Variants in ESYT3 observed in about 807,000 individuals in gnomAD.
ESYT3 encodes extended synaptotagmin 3.
Under a neutral mutation model 111.5 loss-of-function variants are expected in ESYT3, and 101 were observed. That is an observed-to-expected ratio of 0.91 (90% CI 0.77 to 1.07). ESYT3 has a LOEUF of 1.07. Among genes scored for constraint, ESYT3 ranks in the 50% least tolerant of loss-of-function variants. The pLI is 0.00. For synonymous variants in ESYT3, 416 were observed against 446.8 expected, an observed-to-expected ratio of 0.93 and a Z score of 0.87; for missense variants, 1,097 against 1,109.4, an observed-to-expected ratio of 0.99 and a Z score of 0.16.
chr3:138,464,438 G>A lies in ESYT3; in HGVS notation c.1009G>A (p.Val337Met), dbSNP rs920303920. 4.3e-6 allele frequency: 7 copies of A among 1,614,040 alleles called. No individual in the cohort carries two copies. The African/African-American group carries it at 9.3e-5, about 22-fold the overall frequency. Residue 337 changes from valine (V) to methionine (M), a missense_variant, in exon 9 of 23, where the codon GTG (valine) becomes ATG (methionine). Physicochemically the swap from Val to Met is conservative, Grantham distance 21 (BLOSUM62 1). Coordinates refer to ENST00000389567, the MANE Select transcript of ESYT3 (RefSeq NM_031913.5). ...AGGCAAGTCAGATCCCTACGCCAAG[G>A]TGAGCATCGGCCTACAGCATTTCCG... ...LRGKSDPYAKVSIGLQHFRSR... is the reference protein window; with the variant it reads ...LRGKSDPYAKMSIGLQHFRSR...
intron 1 of ESYT3, among the ~76,000 whole-genome samples, chr3:138,439,691 A>T (rs190512932): frequency 6.6e-6 from 1 of 152,310 alleles, no homozygotes; most frequent in East Asian, 1.9e-4. Context: ...TGCCCCTGCC[A>T]TGACTGGGCC....
At chr3:138,468,533 C>T (rs941361933) in intron 12 of ESYT3, 122 bp from the exon 13 acceptor site, 19 of 952,702 alleles carry the variant, frequency 2.0e-5, no homozygotes, top group East Asian at 1.9e-4. Context: ...AGAGGTCCTC[C>T]GGCAGCTAGT....
intron 1 of ESYT3, among the ~76,000 whole-genome samples, chr3:138,449,984 G>A (rs193201779): frequency 6.6e-6 from 1 of 152,364 alleles, no homozygotes; most frequent in East Asian, 1.9e-4. Context: ...CTAGTAAAGT[G>A]TATCAAATGC....
chr3:138,455,096 G>A, intron 2 of ESYT3, 98 bp from the exon 3 acceptor site: 1 of 1,453,732 alleles, frequency 6.9e-7, no homozygotes, highest in Non-Finnish European at 9.5e-7. Context: ...CCCACCCCAA[G>A]ACCAGGCTGC....
chr3:138,462,276 T>C (rs2032690477), intron 8 of ESYT3, 70 bp downstream of exon 8: 2 of 1,601,528 alleles, frequency 1.2e-6, no homozygotes, highest in African/African-American at 1.3e-5. Flanking sequence ...AGCCTTCACA[T>C]GTGGTGCATT....
At chr3:138,474,157 A>G in intron 19 of ESYT3, 64 bp from the exon 20 acceptor site, 1 of 1,573,546 alleles carries the variant, frequency 6.4e-7, no homozygotes, top group South Asian at 1.2e-5. Flanking sequence ...AAACTCTCAA[A>G]TGTTCAGTGT....
Position 138,477,696 on chromosome 3 carries a change from G to A in ESYT3, c.*842G>A, listed in dbSNP as rs1048226393. 1 of 152,108 alleles carries A rather than the reference G, an allele frequency of 6.6e-6. No homozygotes were observed. Among genetic ancestry groups the A allele is most frequent in the Non-Finnish European group, 1.5e-5 (1 of 68,028 alleles). The allele number at this position is 152,108 out of a possible 1,614,324, so 9.4% of individuals were successfully genotyped here. On this transcript the variant is annotated 3_prime_UTR_variant, in exon 23 of 23. Coordinates refer to ENST00000389567, the MANE Select transcript of ESYT3 (RefSeq NM_031913.5). ...GGCTATTCAACTTTTCTAAAGAGAT[G>A]GTTGGTTCACCTAAATAACATGTTA...
At chr3:138,452,175 G>A in intron 2 of ESYT3, 86 bp downstream of exon 2, 1 of 1,358,684 alleles carries the variant, frequency 7.4e-7, no homozygotes, top group Non-Finnish European at 1.0e-6. Context: ...CCTGATGGGG[G>A]CCTCGCGGCA....
chr3:138,472,410 T>C lies in ESYT3; in HGVS notation c.1788T>C (p.Pro596=), dbSNP rs556286994. Residue 596 remains proline (P), a synonymous_variant, in exon 18 of 23, where the codon CCT becomes CCC. Coordinates refer to ENST00000389567, the MANE Select transcript of ESYT3 (RefSeq NM_031913.5). ...AGCTGGGGAGCCCATACACAGGACCTGAAGCCCTAAAGAAAGGCCCTCTGC... is the reference window on the plus strand; with the variant it reads ...AGCTGGGGAGCCCATACACAGGACCCGAAGCCCTAAAGAAAGGCCCTCTGC... ...ERELGSPYTG[P]EALKKGPLLI... 69 of 1,614,182 alleles carry C rather than the reference T, an allele frequency of 4.3e-5. No individual in the cohort carries two copies. In the East Asian group the frequency reaches 1.3e-3, roughly 31 times the overall value.
At chr3:138,459,851 C>A in intron 5 of ESYT3, 94 bp from the exon 6 acceptor site, 2 of 1,076,974 alleles carry the variant, frequency 1.9e-6, no homozygotes, top group Non-Finnish European at 2.8e-6. Flanking sequence ...GCAGCGTGGG[C>A]ATGAAATGAG....
rs916713950 is a variant in ESYT3 at position 138,435,437 on chromosome 3, G to A, written c.327+312G>A. Among the ~76,000 whole-genome samples, 1 of 152,230 alleles carries A rather than the reference G, an allele frequency of 6.6e-6. No individual in the cohort carries two copies. Among genetic ancestry groups the A allele is most frequent in the African/African-American group, 2.4e-5 (1 of 41,466 alleles). ...CCACACCCGGGAGAAAAACAAGGGC[G>A]TCTGGGACTTCGCAGACTTACTCGG... On this transcript the variant is annotated intron_variant, in intron 1 of 22. Coordinates refer to ENST00000389567, the MANE Select transcript of ESYT3 (RefSeq NM_031913.5). The surrounding 1 kb of genome is among the most constrained non-coding windows in gnomAD (Gnocchi z 4.8).
At chr3:138,463,247 A>G (rs557787157) in intron 8 of ESYT3, among the ~76,000 whole-genome samples, 2 of 152,144 alleles carry the variant, frequency 1.3e-5, no homozygotes, top group East Asian at 3.9e-4. Flanking sequence ...GGGGCACACC[A>G]CCAAGCCTGG....
Position 138,445,157 on chromosome 3 carries a change from G to A in ESYT3, c.328-6891G>A, listed in dbSNP as rs189162607. Among the ~76,000 whole-genome samples the A allele has an allele frequency of 2.0e-3, 301 of 152,360 alleles. 2 individuals carry two copies. The highest frequency in any genetic ancestry group is 0.019 in the Admixed American group (298 of 15,310). Reference sequence around the variant, plus strand: ...ACAGAAGTCTGAGAATCGCTGCAGAGCTCTTTGCACTGCCAGGTGGTGTGG... The same window carrying A: ...ACAGAAGTCTGAGAATCGCTGCAGAACTCTTTGCACTGCCAGGTGGTGTGG... On this transcript the variant is annotated intron_variant, in intron 1 of 22. Coordinates refer to ENST00000389567, the MANE Select transcript of ESYT3 (RefSeq NM_031913.5).
intron 10 of ESYT3, 100 bp downstream of exon 10, chr3:138,465,521 C>T (rs2032884784): frequency 7.8e-6 from 7 of 900,846 alleles, no homozygotes; most frequent in East Asian, 2.7e-5. Context: ...ACTAGCAACC[C>T]GCTGTGGTCA....
Position 138,472,888 on chromosome 3 carries a change from A to G in ESYT3, c.2237+29A>G, listed in dbSNP as rs762054123. 7 of 1,582,350 alleles carry G rather than the reference A, an allele frequency of 4.4e-6. No homozygotes were observed. In the Admixed American group the frequency reaches 9.2e-5, roughly 21 times the overall value. On this transcript the variant is annotated intron_variant, in intron 18 of 22. Transcript: ENST00000389567. The stretch of plus-strand genomic sequence containing the variant: ...TGCACCTCTCTGCTTAATCTTTTCT[A>G]AAATCGCCTGTATGAAAAATACCTC...
At chr3:138,474,040 T>C (rs2033368179) in intron 19 of ESYT3, among the ~76,000 whole-genome samples, 181 bp from the exon 20 acceptor site, 1 of 152,258 alleles carries the variant, frequency 6.6e-6, no homozygotes, top group South Asian at 2.1e-4. Context: ...CTATTACTTT[T>C]GATCATCAGG....
At chr3:138,439,412 G>A (rs916922107) in intron 1 of ESYT3, among the ~76,000 whole-genome samples, 1 of 152,116 alleles carries the variant, frequency 6.6e-6, no homozygotes, top group Admixed American at 6.5e-5. Context: ...TCGGAGTCCC[G>A]GCTGTGCTGC....
chr3:138,459,297 G>A (rs2032482692), intron 5 of ESYT3, 44 bp downstream of exon 5: 2 of 1,474,228 alleles, frequency 1.4e-6, no homozygotes, highest in African/African-American at 1.4e-5. Flanking sequence ...AGCCCCCAGG[G>A]TGGGGATCAG....
In ESYT3 at chr3:138,434,649, C is replaced by A; in HGVS notation, c.-150C>A. 1 of 710,000 alleles carries A rather than the reference C, an allele frequency of 1.4e-6. No homozygotes were observed. Among genetic ancestry groups the A allele is most frequent in the East Asian group, 3.0e-5 (1 of 33,616 alleles). The allele number at this position is 710,000 out of a possible 1,614,324, so 44.0% of individuals were successfully genotyped here. ...AGGCGCTGCTCTCCGTCGCAGAGAA[C>A]CCTGAGCTCGGCGCGCCGAGAGTCC... On this transcript the variant is annotated 5_prime_UTR_variant, in exon 1 of 23. Transcript: ENST00000389567.
Sources: allele counts gnomAD v4.1 joint callset (sites outside exome capture counted in the v4.1 genomes callset), GRCh38; gene constraint gnomAD v4.1.1; non-coding constraint Gnocchi (gnomAD v3.1); transcripts MANE v1.5; gene names NCBI Gene and HGNC (gene_info 2026-07-23, HGNC 2026-07-21).